The following PLEKHA2 variants were observed in gnomAD, a reference collection of about 807,000 sequenced individuals.
PLEKHA2 encodes pleckstrin homology domain containing A2.
PLEKHA2 carries 28 observed loss-of-function variants against 53.2 expected under a neutral mutation model. The ratio of observed to expected loss-of-function variants is 0.53; its 90% CI spans 0.39 to 0.72. PLEKHA2 has a LOEUF of 0.72. PLEKHA2 is among the 30% of genes least tolerant of loss of function. PLEKHA2 has a pLI of 0.00. For missense variants in PLEKHA2, 426 were observed against 537.9 expected (o/e 0.79, Z 2.06); for synonymous variants, 193 against 196.4 (o/e 0.98, Z 0.14).
At chr8:38,905,629 C>T (rs1174177028) in intron 1 of PLEKHA2, among the ~76,000 whole-genome samples, 1 of 151,966 alleles carries the variant, frequency 6.6e-6, no homozygotes, top group Admixed American at 6.6e-5. Flanking sequence ...CTGCCCCACC[C>T]CCAGCACTTA....
At chr8:38,932,057 C>T (rs1031100500) in intron 2 of PLEKHA2, among the ~76,000 whole-genome samples, 1 of 152,128 alleles carries the variant, frequency 6.6e-6, no homozygotes, top group Admixed American at 6.5e-5. Context: ...GTGACACGAT[C>T]ATAGCTCACT....
In PLEKHA2 at chr8:38,917,700, T is replaced by G. The variant is rs530527644; in HGVS notation, c.-23-207T>G. ...ATGCTATCCTGGGCACATAGAGCCT[T>G]GGAAAAGTGAGTTGAATACGTGTGA... is the stretch of plus-strand genomic sequence containing the variant. On this transcript the variant is annotated intron_variant, in intron 1 of 11. Coordinates refer to ENST00000617275, the MANE Select transcript of PLEKHA2 (RefSeq NM_021623.2). Among the ~76,000 whole-genome samples, 3 of 152,252 alleles carry G rather than the reference T, an allele frequency of 2.0e-5. No individual in the cohort carries two copies. The East Asian group carries it at 5.8e-4, about 29-fold the overall frequency.
intron 1 of PLEKHA2, among the ~76,000 whole-genome samples, chr8:38,916,141 A>G (rs1319957746): frequency 6.6e-6 from 1 of 151,848 alleles, no homozygotes; most frequent in Non-Finnish European, 1.5e-5. Flanking sequence ...ACGACTGGCT[A>G]ATTTTTTGTA....
At chr8:38,935,113 A>C (rs1216205806) in intron 2 of PLEKHA2, among the ~76,000 whole-genome samples, 1 of 152,152 alleles carries the variant, frequency 6.6e-6, no homozygotes, top group Non-Finnish European at 1.5e-5. Context: ...TCCCAGGTTC[A>C]AGCGATTCTC....
intron 2 of PLEKHA2, among the ~76,000 whole-genome samples, chr8:38,925,194 G>A (rs1224523658): frequency 9.9e-5 from 15 of 152,126 alleles, no homozygotes; most frequent in Admixed American, 9.8e-4. Context: ...ATGCTGGCTT[G>A]ATTTTCCTTA....
intron 1 of PLEKHA2, among the ~76,000 whole-genome samples, chr8:38,908,125 G>GTA (rs1480998737): frequency 6.6e-6 from 1 of 152,182 alleles, no homozygotes; most frequent in East Asian, 1.9e-4. Flanking sequence ...ACTTTTCAAG[G>GTA]TACAGCTCAT....
chr8:38,960,425 G>C (rs1006421285), intron 10 of PLEKHA2, among the ~76,000 whole-genome samples: 1 of 152,098 alleles, frequency 6.6e-6, no homozygotes, highest in African/African-American at 2.4e-5. Flanking sequence ...GTTGCAGTTA[G>C]CTATGATCTC....
intron 1 of PLEKHA2, among the ~76,000 whole-genome samples, chr8:38,906,775 CTGT>C (rs1316522086): frequency 1.3e-5 from 2 of 152,164 alleles, no homozygotes; most frequent in African/African-American, 4.8e-5. Flanking sequence ...TTGCATTTTG[CTGT>C]TGTTTTTACT....
At chr8:38,932,504 C>A (rs933138849) in intron 2 of PLEKHA2, among the ~76,000 whole-genome samples, 1 of 152,108 alleles carries the variant, frequency 6.6e-6, no homozygotes, top group African/African-American at 2.4e-5. Flanking sequence ...TGGGTGGGCT[C>A]CCCTCCCCAG....
chr8:38,936,134 G>A (rs527963148), intron 3 of PLEKHA2, 84 bp downstream of exon 3: 2 of 1,440,020 alleles, frequency 1.4e-6, no homozygotes, highest in South Asian at 1.1e-5. Context: ...AGTCCTTTGG[G>A]CATTAGTATT....
chr8:38,969,369 G>A, intron 11 of PLEKHA2, 52 bp from the exon 12 acceptor site: 1 of 1,575,716 alleles, frequency 6.3e-7, no homozygotes, highest in Non-Finnish European at 8.6e-7. Context: ...GATAAACATT[G>A]TCTGAAAAGC....
intron 10 of PLEKHA2, among the ~76,000 whole-genome samples, chr8:38,966,805 T>G (rs1436669321): frequency 2.0e-5 from 3 of 152,154 alleles, no homozygotes; most frequent in Non-Finnish European, 2.9e-5. Context: ...CTTTTTTTTT[T>G]GTATAAATTT....
intron 10 of PLEKHA2, among the ~76,000 whole-genome samples, chr8:38,963,777 T>G (rs1319448584): frequency 6.6e-6 from 1 of 152,250 alleles, no homozygotes; most frequent in Non-Finnish European, 1.5e-5. Context: ...ATTTTCTTTT[T>G]GAGCAGTATT....
intron 9 of PLEKHA2, among the ~76,000 whole-genome samples, chr8:38,955,110 A>G (rs1045107404): frequency 6.6e-6 from 1 of 152,166 alleles, no homozygotes; most frequent in Non-Finnish European, 1.5e-5. Context: ...GTTTGGTTGC[A>G]TGGAAAAGTT....
intron 3 of PLEKHA2, among the ~76,000 whole-genome samples, chr8:38,943,399 T>A (rs1251934192): frequency 6.6e-6 from 1 of 151,956 alleles, no homozygotes; most frequent in Non-Finnish European, 1.5e-5. Context: ...GACTGGAGGA[T>A]CACTTGAGCC....
chr8:38,914,005 G>A (rs1343149382), intron 1 of PLEKHA2, among the ~76,000 whole-genome samples: 1 of 152,130 alleles, frequency 6.6e-6, no homozygotes, highest in African/African-American at 2.4e-5. Context: ...CCTGGCCCCT[G>A]CTGTGCTGCA....
At chr8:38,913,540 C>T (rs1397326887) in intron 1 of PLEKHA2, among the ~76,000 whole-genome samples, 1 of 152,160 alleles carries the variant, frequency 6.6e-6, no homozygotes, top group African/African-American at 2.4e-5. Context: ...TCAAGAGTAG[C>T]GATAGTCCTT....
chr8:38,910,986 A>G (rs1833945426), intron 1 of PLEKHA2, among the ~76,000 whole-genome samples: 4 of 152,230 alleles, frequency 2.6e-5, no homozygotes, highest in Admixed American at 2.0e-4. Context: ...GATTGTTAAA[A>G]TAATTCCAGC....
chr8:38,942,306 G>GGT (rs1356257352), intron 3 of PLEKHA2, among the ~76,000 whole-genome samples: 2 of 152,070 alleles, frequency 1.3e-5, no homozygotes, highest in Non-Finnish European at 2.9e-5. Flanking sequence ...AGGAGGGTGA[G>GGT]GTGGAAGGAT....
Sources: allele counts gnomAD v4.1 joint callset (sites outside exome capture counted in the v4.1 genomes callset), GRCh38; gene constraint gnomAD v4.1.1; transcripts MANE v1.5; gene names NCBI Gene and HGNC (gene_info 2026-07-23, HGNC 2026-07-21).